Variants in NELL2 observed in about 807,000 individuals in gnomAD.
NELL2 encodes protein kinase C-binding protein NELL2.
A neutral mutation model predicts 109.6 loss-of-function variants in NELL2; 41 were observed. The ratio of observed to expected loss-of-function variants is 0.37; its 90% CI spans 0.29 to 0.49. The LOEUF is 0.49. NELL2 is among the 20% of genes least tolerant of loss of function. The pLI, the probability that NELL2 is intolerant of heterozygous loss-of-function variation, is 0.98. For synonymous variants in NELL2, 355 were observed against 344.7 expected (o/e 1.03, Z -0.33); for missense variants, 900 against 1,008.3 (o/e 0.89, Z 1.45).
At chr12:44,686,719 G>T (rs1948729553) in intron 12 of NELL2, among the ~76,000 whole-genome samples, 1 of 152,088 alleles carries the variant, frequency 6.6e-6, no homozygotes, top group South Asian at 2.1e-4. Context: ...CTCCCAGTTA[G>T]TCTGCTCGGG....
chr12:44,532,476 A>G, intron 16 of NELL2, 105 bp downstream of exon 16: 1 of 1,146,282 alleles, frequency 8.7e-7, no homozygotes, highest in Non-Finnish European at 1.2e-6. Flanking sequence ...ATACACATAT[A>G]GTAAAAACAC....
chr12:44,654,056 T>A (rs1473535654), intron 13 of NELL2, among the ~76,000 whole-genome samples: 1 of 152,204 alleles, frequency 6.6e-6, no homozygotes, highest in Non-Finnish European at 1.5e-5. Flanking sequence ...TAGTTGGTGA[T>A]GTGTGGCCAT....
chr12:44,857,537 C>A (rs1944718093), intron 2 of NELL2, among the ~76,000 whole-genome samples: 2 of 152,148 alleles, frequency 1.3e-5, no homozygotes, highest in African/African-American at 4.8e-5. Flanking sequence ...CCAGCTCCCA[C>A]CAACAGATCA....
At chr12:44,571,281 T>C (rs1943864529) in intron 15 of NELL2, among the ~76,000 whole-genome samples, 1 of 152,170 alleles carries the variant, frequency 6.6e-6, no homozygotes, top group South Asian at 2.1e-4. Context: ...TTTTTATGCA[T>C]AGTAGTGCCT....
intron 13 of NELL2, among the ~76,000 whole-genome samples, chr12:44,665,137 T>C (rs1442689231): frequency 3.9e-5 from 6 of 152,284 alleles, no homozygotes; most frequent in Non-Finnish European, 8.8e-5. Context: ...TATGTTATTA[T>C]TTTTCTATTC....
chr12:44,513,143 C>A (rs1182676769), intron 19 of NELL2, among the ~76,000 whole-genome samples: 1 of 151,832 alleles, frequency 6.6e-6, no homozygotes, highest in Non-Finnish European at 1.5e-5. Flanking sequence ...CCATTGAAGG[C>A]CTAAAAGGGC....
intron 9 of NELL2, among the ~76,000 whole-genome samples, chr12:44,755,181 C>T (rs1940829171): frequency 6.6e-6 from 1 of 151,862 alleles, no homozygotes; most frequent in African/African-American, 2.4e-5. Flanking sequence ...GCAAGAACAC[C>T]ACATGCCCCA....
intron 13 of NELL2, among the ~76,000 whole-genome samples, chr12:44,644,590 A>ATATATATATGTATGTG (rs1426905978): frequency 2.1e-5 from 2 of 96,138 alleles, no homozygotes; most frequent in African/African-American, 9.5e-5. Context: ...GTATATATAT[A>ATATATATATGTATGTG]TATATATATA....
intron 9 of NELL2, among the ~76,000 whole-genome samples, chr12:44,753,951 G>A (rs574820544): frequency 6.6e-5 from 10 of 152,260 alleles, no homozygotes; most frequent in Admixed American, 5.2e-4. Flanking sequence ...CTTTCAAAAT[G>A]TTAGCCATCT....
intron 13 of NELL2, among the ~76,000 whole-genome samples, chr12:44,625,783 A>C (rs1165945226): frequency 6.6e-6 from 1 of 152,140 alleles, no homozygotes; most frequent in Non-Finnish European, 1.5e-5. Flanking sequence ...ACATCTAGAA[A>C]AGTATTTATT....
chr12:44,919,469 G>A (rs1243476118), intron 1 of NELL2, among the ~76,000 whole-genome samples: 3 of 152,086 alleles, frequency 2.0e-5, no homozygotes, highest in Non-Finnish European at 4.4e-5. Context: ...ACCTGTGACC[G>A]TAACCCTGGA....
At chr12:44,511,378 C>T (rs1940996226) in intron 19 of NELL2, among the ~76,000 whole-genome samples, 1 of 152,176 alleles carries the variant, frequency 6.6e-6, no homozygotes, top group African/African-American at 2.4e-5. Flanking sequence ...CAGGCAGACA[C>T]TACAGCAGTT....
chr12:44,620,265 C>T lies in NELL2; in HGVS notation c.1445-9295G>A, dbSNP rs548513270. On this transcript the variant is annotated intron_variant, in intron 13 of 19. Coordinates refer to ENST00000429094, the MANE Select transcript of NELL2 (RefSeq NM_001145108.2). ...CACTCTTCACCTCAAATCTGTTTAA[C>T]GACCGCCACTTACATGGTAAACCCG... Among the ~76,000 whole-genome samples the T allele has an allele frequency of 4.6e-5, 7 of 152,038 alleles. No individual in the cohort carries two copies. The East Asian group carries it at 1.2e-3, about 25-fold the overall frequency.
intron 13 of NELL2, among the ~76,000 whole-genome samples, chr12:44,658,155 T>C (rs1469685131): frequency 6.6e-6 from 1 of 152,214 alleles, no homozygotes; most frequent in Non-Finnish European, 1.5e-5. Flanking sequence ...TTTCCTGACT[T>C]TTTAATGATC....
At chr12:44,907,378 C>A (rs1169853710) in intron 1 of NELL2, among the ~76,000 whole-genome samples, 2 of 152,016 alleles carry the variant, frequency 1.3e-5, no homozygotes. Context: ...GGACTGAGAA[C>A]AATAAGCTAG....
chr12:44,762,014 C>T (rs965598809), intron 9 of NELL2, among the ~76,000 whole-genome samples: 3 of 152,048 alleles, frequency 2.0e-5, no homozygotes, highest in Admixed American at 1.3e-4. Context: ...TGTACATGTG[C>T]CCCCTGAATC....
At chr12:44,669,334 A>G (rs561208700) in intron 12 of NELL2, among the ~76,000 whole-genome samples, 1 of 152,348 alleles carries the variant, frequency 6.6e-6, no homozygotes, top group East Asian at 1.9e-4. Flanking sequence ...AAGAAACATG[A>G]AAAAACAAAG....
chr12:44,615,437 A>G (rs2136260838), intron 13 of NELL2, among the ~76,000 whole-genome samples: 1 of 152,260 alleles, frequency 6.6e-6, no homozygotes, highest in East Asian at 1.9e-4. Context: ...CCTTATATTA[A>G]CTAAAAACAT....
intron 9 of NELL2, among the ~76,000 whole-genome samples, chr12:44,737,559 T>A (rs1939716268): frequency 6.6e-6 from 1 of 152,172 alleles, no homozygotes; most frequent in African/African-American, 2.4e-5. Flanking sequence ...CACATACTTC[T>A]TATTGCTCTG....
Sources: gnomAD v4.1 joint callset for allele counts (sites outside exome capture counted in the v4.1 genomes callset) on GRCh38, gnomAD v4.1.1 for gene constraint, MANE v1.5 for transcripts, NCBI Gene and HGNC (gene_info 2026-07-23, HGNC 2026-07-21) for gene names.